The following ASRGL1 variants were observed in gnomAD, a reference collection of about 807,000 sequenced individuals.
ASRGL1 encodes the protein isoaspartyl peptidase/L-asparaginase.
In ASRGL1, 16 loss-of-function variants were observed where a neutral mutation model predicts 22.4. That is an observed-to-expected ratio of 0.71 (90% CI 0.48 to 1.08). ASRGL1 has a LOEUF of 1.08. Ranked by LOEUF, ASRGL1 falls within the 50% of genes least tolerant of loss-of-function variation. The pLI is 0.00. For missense variants in ASRGL1, 412 were observed against 410.1 expected (o/e 1.00, Z -0.04); for synonymous variants, 165 against 159.3 (o/e 1.04, Z -0.27).
intron 2 of ASRGL1, among the ~76,000 whole-genome samples, chr11:62,352,787 T>C (rs1487109474): frequency 6.6e-6 from 1 of 152,230 alleles, no homozygotes; most frequent in East Asian, 1.9e-4. Context: ...GGTGACAAAT[T>C]CTTTGTCATT....
intron 2 of ASRGL1, among the ~76,000 whole-genome samples, chr11:62,345,618 C>T (rs72921498): frequency 0.15 from 22,472 of 152,180 alleles, 2,123 homozygotes; most frequent in African/African-American, 0.27. Context: ...GTTATGCACA[C>T]TTCTGTCCAA....
chr11:62,363,094 C>T (rs1035827515), intron 4 of ASRGL1, among the ~76,000 whole-genome samples: 13 of 149,666 alleles, frequency 8.7e-5, no homozygotes, highest in African/African-American at 2.7e-4. Context: ...CCACCACGCC[C>T]GGCTAATTTT....
At chr11:62,337,620 G>A (rs1945752312) in intron 1 of ASRGL1, 46 bp downstream of exon 1, 1 of 178,780 alleles carries the variant, frequency 5.6e-6, no homozygotes, top group Non-Finnish European at 1.2e-5. Flanking sequence ...ACGCGGGAGG[G>A]CGAATGAAAT....
chr11:62,385,850 G>C (rs1011468134), intron 4 of ASRGL1, among the ~76,000 whole-genome samples: 1 of 151,790 alleles, frequency 6.6e-6, no homozygotes, highest in African/African-American at 2.4e-5. Flanking sequence ...GGCAACAAGA[G>C]CAAAACTCCA....
At chr11:62,347,235 C>T (rs534504382) in intron 2 of ASRGL1, among the ~76,000 whole-genome samples, 1 of 152,264 alleles carries the variant, frequency 6.6e-6, no homozygotes, top group East Asian at 1.9e-4. Flanking sequence ...CTATAGTCCT[C>T]AGTAAGATTT....
downstream of ASRGL1, among the ~76,000 whole-genome samples, chr11:62,393,933 G>A (rs61893610): frequency 2.7e-5 from 4 of 150,340 alleles, no homozygotes; most frequent in East Asian, 3.9e-4. Flanking sequence ...TCCTCTGTAC[G>A]TGCACAGCCC....
At chr11:62,371,250 C>T (rs774323420) in intron 4 of ASRGL1, 6 of 1,313,810 alleles carry the variant, frequency 4.6e-6, no homozygotes, top group South Asian at 1.6e-5. Context: ...GCGAGCCTCC[C>T]GAGCGCTGCA....
At chr11:62,365,537 G>A (rs1946590599) in intron 4 of ASRGL1, among the ~76,000 whole-genome samples, 1 of 151,932 alleles carries the variant, frequency 6.6e-6, no homozygotes, top group Admixed American at 6.6e-5. Flanking sequence ...CTGGGCAACA[G>A]TGCAAGACTC....
chr11:62,394,616 G>A (rs10897269), downstream of ASRGL1, among the ~76,000 whole-genome samples: 49,590 of 151,844 alleles, frequency 0.33, 8,605 homozygotes, highest in African/African-American at 0.44. Flanking sequence ...AGGGAGCTGG[G>A]GGATAGGGAG....
chr11:62,379,423 C>T lies in ASRGL1; in HGVS notation c.492-9710C>T, dbSNP rs575937626. ...CAAACCCTCCTTTCTATTTATCTCA[C>T]TGTTTCCAACCTTAATATAAGGCAG... On this transcript the variant is annotated intron_variant, in intron 4 of 6. Transcript: ENST00000415229. Among the ~76,000 whole-genome samples the T allele has an allele frequency of 2.0e-4, 30 of 152,308 alleles. No homozygotes were observed. The South Asian group carries it at 6.2e-3, about 32-fold the overall frequency.
At chr11:62,361,763 G>C (rs773455258) in intron 4 of ASRGL1, among the ~76,000 whole-genome samples, 7 of 152,050 alleles carry the variant, frequency 4.6e-5, no homozygotes, top group Admixed American at 6.6e-5. Context: ...TGGGATTACA[G>C]GCGTGAGCCA....
chr11:62,380,800 A>C (rs1947047081), intron 4 of ASRGL1, among the ~76,000 whole-genome samples: 1 of 152,130 alleles, frequency 6.6e-6, no homozygotes. Context: ...TCTGGCCCCA[A>C]CTAGGGTAGG....
At chr11:62,390,853 C>T (rs988019541) in intron 5 of ASRGL1, among the ~76,000 whole-genome samples, 1 of 152,106 alleles carries the variant, frequency 6.6e-6, no homozygotes, top group Admixed American at 6.5e-5. Context: ...AGGGTAAAGG[C>T]GAATCCTTCC....
chr11:62,398,790 G>T, the ASRGL1 span, among the ~76,000 whole-genome samples: 5 of 152,168 alleles, frequency 3.3e-5, no homozygotes, highest in Non-Finnish European at 5.9e-5. Context: ...CTTATCTCTG[G>T]CTTTGGCACA....
Position 62,362,737 on chromosome 11 carries a change from A to T in ASRGL1, c.491+5593A>T, listed in dbSNP as rs868324066. 1.4e-4 allele frequency among the ~76,000 whole-genome samples: 12 copies of T among 86,254 alleles called. No homozygotes were observed. The South Asian group carries it at 3.5e-3, about 25-fold the overall frequency. 56.6% of individuals were successfully genotyped at this position (86,254 alleles called of 152,430 possible). A position where few individuals can be genotyped will look rare whatever the true frequency, so the allele number is the denominator to read the frequency against. ...TATTATATGTTATATATAAAATATAATATATATTATATATATAAATTTATA... is the reference window on the plus strand; with the variant it reads ...TATTATATGTTATATATAAAATATATTATATATTATATATATAAATTTATA... On this transcript the variant is annotated intron_variant, in intron 4 of 6. Transcript: ENST00000415229.
At chr11:62,348,516 CA>C (rs1946087301) in intron 2 of ASRGL1, among the ~76,000 whole-genome samples, 1 of 151,836 alleles carries the variant, frequency 6.6e-6, no homozygotes, top group Non-Finnish European at 1.5e-5. Context: ...CCAGCCTGGC[CA>C]ACATGCGAAA....
intron 6 of ASRGL1, 125 bp downstream of exon 6, chr11:62,391,757 C>A: frequency 8.1e-7 from 1 of 1,238,116 alleles, no homozygotes; most frequent in Non-Finnish European, 1.1e-6. Flanking sequence ...TGCTTTCAGG[C>A]CGTTAACACC....
At chr11:62,338,525 C>T (rs1945783184) in intron 2 of ASRGL1, among the ~76,000 whole-genome samples, 1 of 152,054 alleles carries the variant, frequency 6.6e-6, no homozygotes, top group Admixed American at 6.6e-5. Context: ...GTTTCCAGGT[C>T]ATAGTTAAGA....
chr11:62,371,662 C>G lies in ASRGL1; in HGVS notation c.491+14518C>G, dbSNP rs2134656854. On this transcript the variant is annotated intron_variant, in intron 4 of 6. Transcript: ENST00000415229. ...GGACTTGATTGGTCGAAAATAAGTG[C>G]CTAAACAAGGCCAGGAGTGGTGGCT... is the stretch of plus-strand genomic sequence containing the variant. 1.9e-5 allele frequency: 12 copies of G among 624,130 alleles called. 2 individuals are homozygous for G. The highest frequency in any genetic ancestry group is 1.6e-4 in the South Asian group (12 of 73,290). 38.7% of individuals were successfully genotyped at this position (624,130 alleles called of 1,614,324 possible). A position where few individuals can be genotyped will look rare whatever the true frequency, so the allele number is the denominator to read the frequency against.
Sources: allele counts gnomAD v4.1 joint callset (sites outside exome capture counted in the v4.1 genomes callset), GRCh38; gene constraint gnomAD v4.1.1; transcripts MANE v1.5; gene names NCBI Gene and HGNC (gene_info 2026-07-23, HGNC 2026-07-21).